PRPS2: variants seen among roughly 807,000 people sequenced by gnomAD.
The protein encoded by PRPS2 is ribose-phosphate pyrophosphokinase 2.
For missense variants in PRPS2, 104 were observed against 271.5 expected (o/e 0.38, Z 4.34); for synonymous variants, 111 against 115.3 (o/e 0.96, Z 0.24).
At chrX:12,800,022 TGGTTGGTC>T (rs748396182) in intron 2 of PRPS2, among the ~76,000 whole-genome samples, 1 of 112,376 alleles carries the variant, frequency 8.9e-6, no homozygotes, top group East Asian at 2.8e-4. Context: ...GAAGAAAATG[TGGTTGGTC>T]TTTGCCTTTC....
At chrX:12,792,962 C>T (rs4118335) in intron 1 of PRPS2, among the ~76,000 whole-genome samples, 4 of 111,137 alleles carry the variant, frequency 3.6e-5, no homozygotes, top group African/African-American at 9.8e-5. Context: ...GTTATGGCTC[C>T]GATGATAATA....
rs183442370 is a variant in PRPS2, at chrX:12,809,864, T to C, written c.406-158T>C. On this transcript the variant is annotated intron_variant, in intron 3 of 6. Transcript: ENST00000380668. ...CCTATAACATATCTGTCTTTTGATT[T>C]AATTCTGTTTAAAATTAACAAAAGG... Among the ~76,000 whole-genome samples, 3 of 112,701 alleles carry C rather than the reference T, an allele frequency of 2.7e-5. No individual in the cohort carries two copies. The East Asian group carries it at 8.3e-4, about 31-fold the overall frequency.
chrX:12,793,369 C>T (rs775924598), intron 1 of PRPS2, among the ~76,000 whole-genome samples: 7 of 112,590 alleles, frequency 6.2e-5, no homozygotes, highest in Non-Finnish European at 1.3e-4. Flanking sequence ...AAAACTCACT[C>T]AGACACTGAA....
rs989591125 is a variant in PRPS2 at position 12,799,320 on chromosome X, T to C, written c.236T>C (p.Ile79Thr). The C allele has an allele frequency of 3.3e-6, 4 of 1,209,606 alleles. No homozygotes were observed. Among genetic ancestry groups the C allele is most frequent in the Admixed American group, 4.4e-5 (2 of 45,718 alleles). The change falls in exon 2 of 7, where the codon ATT becomes ACT. Residue 79 changes from isoleucine (I) to threonine (T), a missense_variant. By Grantham distance (89) the Ile-to-Thr change is moderately conservative. Coordinates refer to ENST00000380668, the MANE Select transcript of PRPS2 (RefSeq NM_002765.5). Reference sequence around the variant, plus strand: ...CTCATCATGATCAATGCCTGCAAGATTGCGTCATCATCCAGAGTAACTGCC... The same window carrying C: ...CTCATCATGATCAATGCCTGCAAGACTGCGTCATCATCCAGAGTAACTGCC... ...ELLIMINACK[I>T]ASSSRVTAVI...
intron 4 of PRPS2, among the ~76,000 whole-genome samples, chrX:12,814,071 C>T (rs1039888202): frequency 9.6e-6 from 1 of 103,970 alleles, no homozygotes; most frequent in East Asian, 3.1e-4. Context: ...CCCCCCCACC[C>T]CCGACTCTAC....
intron 2 of PRPS2, among the ~76,000 whole-genome samples, chrX:12,807,066 G>T (rs2042597132): frequency 9.8e-6 from 1 of 101,935 alleles, no homozygotes; most frequent in Non-Finnish European, 2.0e-5. Context: ...CAAAAAAAAA[G>T]AAATATTCTT....
At chrX:12,821,870 G>A (rs1486909746) in intron 6 of PRPS2, among the ~76,000 whole-genome samples, 1 of 112,265 alleles carries the variant, frequency 8.9e-6, no homozygotes, top group Non-Finnish European at 1.9e-5. Flanking sequence ...AAAAGGGTTT[G>A]AGGCCCATTT....
Position 12,791,478 on chromosome X carries a change from T to G in PRPS2, c.-20T>G. 3 of 1,193,376 alleles carry G rather than the reference T, an allele frequency of 2.5e-6. No homozygotes were observed. The highest frequency in any genetic ancestry group is 3.4e-6 in the Non-Finnish European group (3 of 886,716). ...CACCTCCTCCGCCGCCGCGCGCCCC[T>G]CGGAGTTCCGCGCCCCACCATGCCC... is the stretch of plus-strand genomic sequence containing the variant. On this transcript the variant is annotated 5_prime_UTR_variant, in exon 1 of 7. Transcript: ENST00000380668.
chrX:12,799,525 ATT>A, intron 2 of PRPS2, 135 bp downstream of exon 2: 1 of 730,152 alleles, frequency 1.4e-6, no homozygotes, highest in Admixed American at 4.0e-5. Context: ...ATGCTTTCTT[ATT>A]TTGTTTGTTG....
intron 4 of PRPS2, among the ~76,000 whole-genome samples, chrX:12,816,856 C>T (rs1422200628): frequency 9.0e-6 from 1 of 111,297 alleles, no homozygotes; most frequent in Non-Finnish European, 1.9e-5. Flanking sequence ...CTTTATTTTG[C>T]TCTCCTTCTG....
At chrX:12,799,430 C>T (rs938974944) in intron 2 of PRPS2, 40 bp downstream of exon 2, 2 of 1,149,037 alleles carry the variant, frequency 1.7e-6, no homozygotes, top group African/African-American at 3.6e-5. Flanking sequence ...CTGTGGGCCA[C>T]TGTCAATGTT....
rs1327296493 is a variant in PRPS2 at position 12,810,862 on chromosome X, AAAGAAG to A, written c.530+730_530+735del. Among the ~76,000 whole-genome samples, 9 of 109,993 alleles carry A rather than the reference AAAGAAG, an allele frequency of 8.2e-5. No homozygotes were observed. The East Asian group carries it at 1.1e-3, about 14-fold the overall frequency. On this transcript the variant is annotated intron_variant, in intron 4 of 6. Transcript: ENST00000380668. The stretch of plus-strand genomic sequence containing the variant: ...GAGACCCTGACTCTAAAAAAAAAAA[AAAGAAG>A]AAGAAGAAGAAGAGAAGAGGGCTGA...
Position 12,792,377 on chromosome X carries a change from A to G in PRPS2, c.122+758A>G, listed in dbSNP as rs1189942602. ...ACTCTTGCTGCTTTAAAGATGATGG[A>G]CTTTCAGCTTCCTTCTTGTTCTAGG... On this transcript the variant is annotated intron_variant, in intron 1 of 6. Transcript: ENST00000380668. Among the ~76,000 whole-genome samples the G allele has an allele frequency of 6.3e-5, 7 of 111,793 alleles. No individual in the cohort carries two copies. In the Admixed American group the frequency reaches 6.6e-4, roughly 11 times the overall value.
chrX:12,820,813 A>G lies in PRPS2; in HGVS notation c.864+10A>G, dbSNP rs2042671858. The G allele has an allele frequency of 4.1e-6, 5 of 1,205,951 alleles. No homozygotes were observed. Among genetic ancestry groups the G allele is most frequent in the East Asian group, 3.0e-5 (1 of 33,677 alleles). ...CTGCACCAAGATTCAGGTACTGTCT[A>G]TACACCAAAGGCAGCCAAGCAGCCA... On this transcript the variant is annotated intron_variant, in intron 6 of 6. Coordinates refer to ENST00000380668, the MANE Select transcript of PRPS2 (RefSeq NM_002765.5).
intron 2 of PRPS2, among the ~76,000 whole-genome samples, chrX:12,803,392 A>C (rs1292368769): frequency 8.9e-6 from 1 of 112,411 alleles, no homozygotes; most frequent in Non-Finnish European, 1.9e-5. Context: ...GGCTCAAGTG[A>C]TCCTCCCACC....
At chrX:12,797,339 CAG>C (rs774929144) in intron 1 of PRPS2, among the ~76,000 whole-genome samples, 1 of 104,578 alleles carries the variant, frequency 9.6e-6, no homozygotes, top group African/African-American at 3.5e-5. Flanking sequence ...GCCTGGGCAA[CAG>C]AGTGAGACTC....
intron 2 of PRPS2, among the ~76,000 whole-genome samples, chrX:12,804,798 C>T (rs1044942168): frequency 6.3e-5 from 7 of 111,477 alleles, no homozygotes; most frequent in Non-Finnish European, 1.3e-4. Context: ...GATCTCTCAT[C>T]CCAGAAAGAA....
intron 2 of PRPS2, among the ~76,000 whole-genome samples, chrX:12,801,234 G>GTGTGTGTA (rs1569094614): frequency 2.8e-5 from 3 of 107,952 alleles, no homozygotes; most frequent in African/African-American, 3.4e-5. Context: ...GTGTGTGTGT[G>GTGTGTGTA]TGTGTGTGTG....
At chrX:12,821,450 G>GT (rs1409063676) in intron 6 of PRPS2, among the ~76,000 whole-genome samples, 1 of 108,562 alleles carries the variant, frequency 9.2e-6, no homozygotes, top group Non-Finnish European at 1.9e-5. Flanking sequence ...GGGTCTGGGG[G>GT]TGGGGGGGGC....
Sources: allele counts gnomAD v4.1 joint callset (sites outside exome capture counted in the v4.1 genomes callset), GRCh38; gene constraint gnomAD v4.1.1; transcripts MANE v1.5; gene names NCBI Gene and HGNC (gene_info 2026-07-23, HGNC 2026-07-21).